Variants in RPS6KC1 observed in about 807,000 individuals in gnomAD.
The protein encoded by RPS6KC1 is ribosomal protein S6 kinase C1, also known as inactive ribosomal protein S6 kinase delta-1.
In RPS6KC1, 54 loss-of-function variants were observed where a neutral mutation model predicts 103.8. The observed-to-expected ratio is 0.52, with a 90% CI of 0.42 to 0.65. The LOEUF (loss-of-function observed/expected upper bound fraction) is 0.65. Among genes scored for constraint, RPS6KC1 ranks in the 30% least tolerant of loss-of-function variants. The probability of loss-of-function intolerance (pLI) is 0.00; values close to 1 mark genes in which losing one functional copy is unlikely to be tolerated. For missense variants in RPS6KC1, 1,151 were observed against 1,253.8 expected, an observed-to-expected ratio of 0.92 and a Z score of 1.24; for synonymous variants, 439 against 438.7, an observed-to-expected ratio of 1.00 and a Z score of -0.01.
chr1:213,581,162 C>G, the RPS6KC1 span, among the ~76,000 whole-genome samples: 1 of 151,952 alleles, frequency 6.6e-6, no homozygotes, highest in Non-Finnish European at 1.5e-5. Flanking sequence ...GTTCTGGTAC[C>G]TGAAGACTTC....
At chr1:213,400,143 G>T in the RPS6KC1 span, among the ~76,000 whole-genome samples, 1 of 151,950 alleles carries the variant, frequency 6.6e-6, no homozygotes, top group Non-Finnish European at 1.5e-5. Context: ...TTTTAATCTT[G>T]TCTCCTTGTT....
chr1:213,838,087 A>G, the RPS6KC1 span, among the ~76,000 whole-genome samples: 2 of 152,198 alleles, frequency 1.3e-5, no homozygotes, highest in East Asian at 3.9e-4. Context: ...AGAAGTCACT[A>G]GTTTCCTAGT....
chr1:213,368,201 G>A, the RPS6KC1 span, among the ~76,000 whole-genome samples: 1 of 152,180 alleles, frequency 6.6e-6, no homozygotes, highest in East Asian at 1.9e-4. Context: ...AAAAGACCAC[G>A]TATTTCAGCC....
Position 213,199,898 on chromosome 1 carries a change from A to G in RPS6KC1, c.1044+23406A>G, listed in dbSNP as rs2093093472. Among the ~76,000 whole-genome samples, 3 of 152,344 alleles carry G rather than the reference A, an allele frequency of 2.0e-5. No individual in the cohort carries two copies. In the South Asian group the frequency reaches 6.2e-4, roughly 32 times the overall value. On this transcript the variant is annotated intron_variant, in intron 8 of 14. Coordinates refer to ENST00000366960, the MANE Select transcript of RPS6KC1 (RefSeq NM_012424.6). ...AATCCCATTCATAATTCCCACAAAA[A>G]GAATAAAATACCTAGGGATAAAGCT...
the RPS6KC1 span, among the ~76,000 whole-genome samples, chr1:213,663,913 A>G: frequency 2.6e-5 from 4 of 152,308 alleles, no homozygotes; most frequent in South Asian, 2.1e-4. Flanking sequence ...CCAGGACCCA[A>G]TGGAATAGCA....
chr1:213,788,443 A>G, the RPS6KC1 span, among the ~76,000 whole-genome samples: 1 of 152,166 alleles, frequency 6.6e-6, no homozygotes, highest in Admixed American at 6.5e-5. Context: ...AGATCTGCTA[A>G]ACACGACCTA....
chr1:213,602,127 TTTC>T, the RPS6KC1 span, among the ~76,000 whole-genome samples: 1 of 55,464 alleles, frequency 1.8e-5, no homozygotes, highest in Non-Finnish European at 3.5e-5. Context: ...TTTCTCTTTC[TTTC>T]TTTCTTTCTT....
chr1:213,054,376 T>C (rs565601210), intron 1 of RPS6KC1, among the ~76,000 whole-genome samples: 1 of 152,356 alleles, frequency 6.6e-6, no homozygotes, highest in Non-Finnish European at 1.5e-5. Flanking sequence ...ATGTAAGGTC[T>C]GAGAGTCAAC....
the RPS6KC1 span, among the ~76,000 whole-genome samples, chr1:213,446,656 G>T: frequency 1.3e-5 from 2 of 152,050 alleles, no homozygotes; most frequent in Admixed American, 1.3e-4. Context: ...CTATAGCCTC[G>T]CCAAGTTGAC....
chr1:213,109,415 G>A (rs2082800745), intron 4 of RPS6KC1, among the ~76,000 whole-genome samples: 1 of 152,168 alleles, frequency 6.6e-6, no homozygotes, highest in South Asian at 2.1e-4. Context: ...GGGATTACAG[G>A]CATGAGCAAC....
the RPS6KC1 span, among the ~76,000 whole-genome samples, chr1:213,830,758 T>C: frequency 2.3e-3 from 349 of 152,188 alleles, no homozygotes; most frequent in Middle Eastern, 6.8e-3. Context: ...TCTATTTTAG[T>C]CATTTGGGGG....
the RPS6KC1 span, among the ~76,000 whole-genome samples, chr1:213,602,804 C>G: frequency 6.6e-6 from 1 of 152,200 alleles, no homozygotes. Context: ...CTAGCTCCCT[C>G]GCAGCCTTAG....
the RPS6KC1 span, among the ~76,000 whole-genome samples, chr1:213,561,174 C>G: frequency 3.7e-4 from 56 of 152,304 alleles, no homozygotes; most frequent in Admixed American, 3.5e-3. Context: ...CAGTGTTTCT[C>G]AACATTTTTA....
chr1:213,423,569 A>G, the RPS6KC1 span, among the ~76,000 whole-genome samples: 7 of 152,218 alleles, frequency 4.6e-5, no homozygotes, highest in African/African-American at 1.7e-4. Flanking sequence ...GCCAAGGCTC[A>G]CTGCTGAAAA....
chr1:213,357,852 C>T, the RPS6KC1 span, among the ~76,000 whole-genome samples: 26 of 152,240 alleles, frequency 1.7e-4, no homozygotes, highest in Middle Eastern at 3.4e-3. Flanking sequence ...TCTTGTGTGG[C>T]GGGACCCTCC....
chr1:213,342,236 A>G, the RPS6KC1 span, among the ~76,000 whole-genome samples: 2 of 152,154 alleles, frequency 1.3e-5, no homozygotes. Context: ...TGATCTGACA[A>G]TGCTGCCATT....
the RPS6KC1 span, among the ~76,000 whole-genome samples, chr1:213,749,228 A>G: frequency 6.6e-6 from 1 of 152,150 alleles, no homozygotes; most frequent in African/African-American, 2.4e-5. Flanking sequence ...AGGGGTTCAG[A>G]CTCATTGATG....
At chr1:213,204,771 A>G (rs1028902270) in intron 8 of RPS6KC1, among the ~76,000 whole-genome samples, 2 of 151,892 alleles carry the variant, frequency 1.3e-5, no homozygotes, top group Admixed American at 1.3e-4. Flanking sequence ...CCACAGGTGT[A>G]TGCCAGCATG....
chr1:213,371,621 G>C, the RPS6KC1 span, among the ~76,000 whole-genome samples: 1 of 152,086 alleles, frequency 6.6e-6, no homozygotes, highest in Non-Finnish European at 1.5e-5. Context: ...TTGTTGTTTG[G>C]TTTTTGTTTT....
Sources: gnomAD v4.1 joint callset for allele counts (sites outside exome capture counted in the v4.1 genomes callset) on GRCh38, gnomAD v4.1.1 for gene constraint, MANE v1.5 for transcripts, NCBI Gene and HGNC (gene_info 2026-07-23, HGNC 2026-07-21) for gene names.